Variants in IL33 observed in about 807,000 individuals in gnomAD.
The protein encoded by IL33 is interleukin-33.
IL33 carries 37 observed loss-of-function variants against 27.3 expected under a neutral mutation model. That is an observed-to-expected ratio of 1.36 (90% CI 1.04 to 1.78). The LOEUF (loss-of-function observed/expected upper bound fraction) is 1.78. IL33 is among the 40% of genes most tolerant of loss of function. IL33 has a pLI of 0.00. For missense variants in IL33, 406 were observed against 311.4 expected, an observed-to-expected ratio of 1.30 and a Z score of -2.29; for synonymous variants, 132 against 102.9, an observed-to-expected ratio of 1.28 and a Z score of -1.71.
chr9:6,246,548 G>A (rs936279150), intron 2 of IL33, among the ~76,000 whole-genome samples: 11 of 152,020 alleles, frequency 7.2e-5, no homozygotes, highest in South Asian at 2.1e-4. Flanking sequence ...ACAACAGAGC[G>A]AGTCTCCATC....
At chr9:6,244,102 T>C (rs1025927159) in intron 2 of IL33, among the ~76,000 whole-genome samples, 3 of 152,166 alleles carry the variant, frequency 2.0e-5, no homozygotes, top group Non-Finnish European at 2.9e-5. Flanking sequence ...TTATAGAAAC[T>C]GGAATGAGGG....
At position 6,252,895 on chromosome 9, in the gene IL33, T is replaced by C. The variant is rs761937127; in HGVS notation, c.373T>C (p.Ser125Pro). 1.4e-5 allele frequency: 22 copies of C among 1,610,034 alleles called. No homozygotes were observed. The Admixed American group carries it at 3.4e-4, about 25-fold the overall frequency. ...TTCACCTATTACAGAGTATCTTGCT[T>C]CTCTAAGCACATACAATGATCAATC... ...GISPITEYLA[S>P]LSTYNDQSIT... is the part of the protein sequence containing the mutation. Residue 125 changes from serine to proline, a missense_variant, in exon 5 of 8, where the codon TCT (serine) becomes CCT (proline). Physicochemically the swap from Ser to Pro is moderately conservative, Grantham distance 74. Coordinates refer to ENST00000682010, the MANE Select transcript of IL33 (RefSeq NM_033439.4).
At chr9:6,240,776 A>T (rs1819481877) in intron 1 of IL33, among the ~76,000 whole-genome samples, 1 of 152,174 alleles carries the variant, frequency 6.6e-6, no homozygotes, top group South Asian at 2.1e-4. Flanking sequence ...TTTTTCCATA[A>T]TAAATTAACC....
chr9:6,243,871 C>T (rs1488027095), intron 2 of IL33, among the ~76,000 whole-genome samples: 1 of 152,186 alleles, frequency 6.6e-6, no homozygotes, highest in Non-Finnish European at 1.5e-5. Context: ...ATTCTGTCTT[C>T]CCTGAGGCTG....
At chr9:6,216,129 T>C (rs981349860) in intron 1 of IL33, among the ~76,000 whole-genome samples, 2 of 152,142 alleles carry the variant, frequency 1.3e-5, no homozygotes, top group Non-Finnish European at 2.9e-5. Context: ...CTTTATTTTA[T>C]TTTATTTTAT....
Position 6,239,431 on chromosome 9 carries a change from G to A in IL33, c.-11-2253G>A, listed in dbSNP as rs1212424977. On this transcript the variant is annotated intron_variant, in intron 1 of 7. Transcript: ENST00000682010. ...AGTAACTTAGGCTACGAGCCCACAT[G>A]CACACTGGAAGGACAGCGTGGGGGT... 2.0e-5 allele frequency among the ~76,000 whole-genome samples: 3 copies of A among 152,118 alleles called. No homozygotes were observed. The East Asian group carries it at 5.8e-4, about 29-fold the overall frequency.
intron 2 of IL33, among the ~76,000 whole-genome samples, chr9:6,243,583 G>C (rs1819657067): frequency 2.6e-5 from 4 of 152,202 alleles, no homozygotes; most frequent in Middle Eastern, 3.4e-3. Flanking sequence ...TTGAACTCCT[G>C]GCCTCAAGTG....
At chr9:6,245,982 G>C (rs1402644258) in intron 2 of IL33, among the ~76,000 whole-genome samples, 1 of 138,434 alleles carries the variant, frequency 7.2e-6, no homozygotes, top group East Asian at 2.3e-4. Flanking sequence ...AGAATGGCAT[G>C]AACTCGGGAG....
intron 2 of IL33, chr9:6,242,389 G>T (rs1303631781): frequency 6.6e-6 from 1 of 152,208 alleles, no homozygotes; most frequent in East Asian, 1.9e-4. Flanking sequence ...CTTTGAGGCT[G>T]AAGCAAATCT....
intron 1 of IL33, among the ~76,000 whole-genome samples, chr9:6,235,582 A>T (rs1213828464): frequency 1.3e-5 from 2 of 152,220 alleles, no homozygotes; most frequent in Non-Finnish European, 2.9e-5. Flanking sequence ...TGAAATCTAA[A>T]CATAAATGAC....
chr9:6,247,085 G>A (rs527792431), intron 2 of IL33, among the ~76,000 whole-genome samples: 2 of 152,314 alleles, frequency 1.3e-5, no homozygotes, highest in South Asian at 2.1e-4. Context: ...CAAAGATAGA[G>A]TTACAGTTTG....
chr9:6,251,067 C>T, intron 3 of IL33, 73 bp from the exon 4 acceptor site: 1 of 1,561,976 alleles, frequency 6.4e-7, no homozygotes, highest in South Asian at 1.2e-5. Context: ...GCAGCCTTAA[C>T]TGGGAATCCT....
At chr9:6,221,559 A>T (rs1312664814) in intron 1 of IL33, among the ~76,000 whole-genome samples, 2 of 152,184 alleles carry the variant, frequency 1.3e-5, no homozygotes, top group African/African-American at 2.4e-5. Flanking sequence ...AAGTCTTTAT[A>T]TTTCTTAATT....
chr9:6,230,976 G>A (rs1818901198), intron 1 of IL33, among the ~76,000 whole-genome samples: 1 of 152,100 alleles, frequency 6.6e-6, no homozygotes, highest in African/African-American at 2.4e-5. Flanking sequence ...CCAAACTCCA[G>A]AAACACAGTG....
In IL33 at chr9:6,254,442, T is replaced by C. The variant is rs1464564572; in HGVS notation, c.521-20T>C. ...AGTTACAGTTCTTAACTTTATCATT[T>C]ATACTTTCTTAATTGTAAGGTGACG... On this transcript the variant is annotated intron_variant, in intron 6 of 7. Transcript: ENST00000682010. The C allele has an allele frequency of 7.4e-6, 11 of 1,492,804 alleles. No homozygotes were observed. The African/African-American group carries it at 8.4e-5, about 11-fold the overall frequency. 92.5% of individuals were successfully genotyped at this position (1,492,804 alleles called of 1,614,324 possible). A position where few individuals can be genotyped will look rare whatever the true frequency, so the allele number is the denominator to read the frequency against.
chr9:6,227,963 C>T (rs765190073), intron 1 of IL33, among the ~76,000 whole-genome samples: 6 of 152,074 alleles, frequency 3.9e-5, no homozygotes, highest in African/African-American at 1.4e-4. Context: ...TGAAAATGTT[C>T]GCTTAGGGTT....
intron 1 of IL33, among the ~76,000 whole-genome samples, chr9:6,218,430 G>A (rs1205463969): frequency 6.6e-6 from 1 of 152,088 alleles, no homozygotes; most frequent in Middle Eastern, 3.4e-3. Flanking sequence ...AACAGGAAAT[G>A]TCACTCTTGG....
intron 2 of IL33, chr9:6,242,292 C>T (rs1819574409): frequency 6.6e-6 from 1 of 152,124 alleles, no homozygotes; most frequent in South Asian, 2.1e-4. Context: ...AGAAATATAC[C>T]TGAAGCTGGG....
chr9:6,218,651 C>T (rs7869067), intron 1 of IL33, among the ~76,000 whole-genome samples: 4 of 120,076 alleles, frequency 3.3e-5, no homozygotes, highest in African/African-American at 1.4e-4. Flanking sequence ...TCTCCCTATA[C>T]ATATGTCCCC....
Sources: gnomAD v4.1 joint callset for allele counts (sites outside exome capture counted in the v4.1 genomes callset) on GRCh38, gnomAD v4.1.1 for gene constraint, MANE v1.5 for transcripts, NCBI Gene and HGNC (gene_info 2026-07-23, HGNC 2026-07-21) for gene names.